The following COL1A2 variants were observed in gnomAD, a reference collection of about 807,000 sequenced individuals.
COL1A2 encodes the protein collagen type I alpha 2 chain.
COL1A2 carries 49 observed loss-of-function variants against 174.3 expected under a neutral mutation model. That is an observed-to-expected ratio of 0.28 (90% CI 0.22 to 0.36). The LOEUF (loss-of-function observed/expected upper bound fraction) is 0.36. Among genes scored for constraint, COL1A2 ranks in the 10% least tolerant of loss-of-function variants. The pLI is 1.00. For synonymous variants in COL1A2, 655 were observed against 606.6 expected (o/e 1.08, Z -1.17); for missense variants, 1,438 against 1,822.7 (o/e 0.79, Z 3.84).
intron 30 of COL1A2, among the ~76,000 whole-genome samples, chr7:94,415,905 T>C (rs184313579): frequency 5.9e-5 from 9 of 152,288 alleles, no homozygotes; most frequent in Admixed American, 5.2e-4. Context: ...GACAGACATA[T>C]ATATATATAC....
At chr7:94,419,306 C>G (rs1274995288) in intron 33 of COL1A2, 192 bp from the exon 34 acceptor site, 1 of 650,620 alleles carries the variant, frequency 1.5e-6, no homozygotes, top group African/African-American at 1.8e-5. Context: ...TACTGGAGTA[C>G]CCTCCTTCTG....
At chr7:94,415,166 T>C in intron 29 of COL1A2, 60 bp from the exon 30 acceptor site, 6 of 1,492,600 alleles carry the variant, frequency 4.0e-6, no homozygotes, top group Non-Finnish European at 5.6e-6. Context: ...AATATTTTAA[T>C]CATAAGTGAA....
Position 94,394,945 on chromosome 7 carries a change from C to T in COL1A2, c.-87C>T, listed in dbSNP as rs886062513. 8.1e-6 allele frequency: 9 copies of T among 1,114,812 alleles called. No homozygotes were observed. In the East Asian group the frequency reaches 1.9e-4, roughly 23 times the overall value. 69.1% of individuals were successfully genotyped at this position (1,114,812 alleles called of 1,614,324 possible). Reference sequence around the variant, plus strand: ...GCTAAGTTGGAGGTACTGGCCACGACTGCATGCCCGCGCCCGCCAGGTGAT... The same window carrying T: ...GCTAAGTTGGAGGTACTGGCCACGATTGCATGCCCGCGCCCGCCAGGTGAT... On this transcript the variant is annotated 5_prime_UTR_variant, in exon 1 of 52. Coordinates refer to ENST00000297268, the MANE Select transcript of COL1A2 (RefSeq NM_000089.4).
At chr7:94,413,627 T>C (rs1258218682) in intron 26 of COL1A2, 63 bp from the exon 27 acceptor site, 10 of 1,480,498 alleles carry the variant, frequency 6.8e-6, no homozygotes, top group Non-Finnish European at 9.4e-6. Context: ...ACCTGAGGCT[T>C]TGAGACATCT....
Position 94,430,373 on chromosome 7 carries a change from G to A in COL1A2, c.4081G>A (p.Gly1361Ser). 6.2e-7 allele frequency: 1 copy of A among 1,613,938 alleles called. No homozygotes were observed. Among genetic ancestry groups the A allele is most frequent in the Non-Finnish European group, 8.5e-7 (1 of 1,179,942 alleles). ...TGACCAGGAATTCTTTGTGGACATT[G>A]GCCCAGTCTGTTTCAAATAAATGAA... ...GADQEFFVDI[G>S]PVCFK The change falls in exon 52 of 52, where the codon GGC becomes AGC. Residue 1361 changes from glycine to serine, a missense_variant. Gly to Ser is a moderately conservative substitution (Grantham distance 56). Coordinates refer to ENST00000297268, the MANE Select transcript of COL1A2 (RefSeq NM_000089.4).
intron 15 of COL1A2, 130 bp downstream of exon 15, chr7:94,408,510 G>A (rs184154719): frequency 6.5e-6 from 8 of 1,228,348 alleles, no homozygotes; most frequent in Non-Finnish European, 1.2e-6. Context: ...TCTTTTGAAG[G>A]CTCCATTTAT....
rs1345197231 is a variant in COL1A2 at position 94,430,033 on chromosome 7, GTTT to G, written c.3955-213_3955-211del. On this transcript the variant is annotated intron_variant, in intron 51 of 51. Transcript: ENST00000297268. ...GAAATGTTGTTGGTTTTTTTGGTTT[GTTT>G]GTTTGTTTGTTTTTTGTTAGACTGA... The G allele has an allele frequency of 1.4e-5, 8 of 583,670 alleles. No individual in the cohort carries two copies. The Admixed American group carries it at 1.8e-4, about 13-fold the overall frequency. The allele number at this position is 583,670 out of a possible 1,614,324, so 36.2% of individuals were successfully genotyped here.
chr7:94,402,345 G>A (rs1284396900), intron 6 of COL1A2, among the ~76,000 whole-genome samples: 1 of 151,976 alleles, frequency 6.6e-6, no homozygotes, highest in Non-Finnish European at 1.5e-5. Context: ...AACAATATAG[G>A]AAATGTTTCT....
Position 94,410,431 on chromosome 7 carries a change from G to A in COL1A2, c.1101G>A (p.Gly367=), listed in dbSNP as rs1800237. ...TTTTCATTAAACAGGGCTCTGCTGG[G>A]CCCCAAGGTCCTCCTGGTCCCAGTG... ...SGNKGEPGSA[G]PQGPPGPSGE... is the part of the protein sequence containing the mutation. Residue 367 remains glycine (G), a synonymous_variant, in exon 21 of 52, where the codon GGG becomes GGA. Coordinates refer to ENST00000297268, the MANE Select transcript of COL1A2 (RefSeq NM_000089.4). 11 of 1,551,586 alleles carry A rather than the reference G, an allele frequency of 7.1e-6. No individual in the cohort carries two copies. In the South Asian group the frequency reaches 1.3e-4, roughly 18 times the overall value.
intron 41 of COL1A2, 159 bp downstream of exon 41, chr7:94,424,602 T>A: frequency 3.1e-6 from 2 of 650,754 alleles, no homozygotes. Context: ...TAAGAAGCTT[T>A]AATACCACCT....
rs28417792 is a variant in COL1A2, at chr7:94,405,377, C to T, written c.486+125C>T. 50,801 of 932,014 alleles carry T rather than the reference C, an allele frequency of 0.055. 6,486 individuals are homozygous for T. Among genetic ancestry groups the T allele is most frequent in the African/African-American group, 0.35 (20,631 of 59,312 alleles). 57.7% of individuals were successfully genotyped at this position (932,014 alleles called of 1,614,324 possible). ...AACTCATAACATGAATCGAAGGCAT[C>T]TAATAAAGAAAAAAGCCTAGTTAAA... On this transcript the variant is annotated intron_variant, in intron 10 of 51. Transcript: ENST00000297268.
In COL1A2 at chr7:94,409,619, C is replaced by T; in HGVS notation, c.936+11C>T. 1 of 1,614,100 alleles carries T rather than the reference C, an allele frequency of 6.2e-7. No individual in the cohort carries two copies. The highest frequency in any genetic ancestry group is 8.5e-7 in the Non-Finnish European group (1 of 1,179,976). On this transcript the variant is annotated intron_variant, in intron 18 of 51. Coordinates refer to ENST00000297268, the MANE Select transcript of COL1A2 (RefSeq NM_000089.4). ...GCCAAGGGTGCTGCTGTGAGTATAC[C>T]TGCGTAGCTAAAATGTGCTGCTATG... is the stretch of plus-strand genomic sequence containing the variant.
intron 13 of COL1A2, 127 bp downstream of exon 13, chr7:94,408,018 T>C: frequency 1.7e-6 from 2 of 1,171,300 alleles, no homozygotes; most frequent in Non-Finnish European, 2.5e-6. Context: ...CTAATAGCCT[T>C]CTGATACTTA....
Position 94,413,731 on chromosome 7 carries a change from T to A in COL1A2, c.1599T>A (p.Pro533=). ...GPDGNNGAQG[P]PGPQGVQGGK... is the part of the protein sequence containing the mutation. The stretch of plus-strand genomic sequence containing the variant: ...ATGGAAACAATGGTGCTCAGGGACC[T>A]CCTGGACCACAGGTGAGTATTTCTC... Residue 533 remains proline (P), a synonymous_variant, in exon 27 of 52, where the codon CCT becomes CCA. Coordinates refer to ENST00000297268, the MANE Select transcript of COL1A2 (RefSeq NM_000089.4). The A allele has an allele frequency of 6.2e-7, 1 of 1,614,226 alleles. No homozygotes were observed.
At chr7:94,424,854 T>C in intron 41 of COL1A2, 4 of 519,780 alleles carry the variant, frequency 7.7e-6, no homozygotes, top group Non-Finnish European at 1.4e-5. Flanking sequence ...ACTTTTTGAA[T>C]TCATTTCATT....
chr7:94,398,544 C>T (rs1408657298), intron 3 of COL1A2, 148 bp downstream of exon 3: 2 of 329,172 alleles, frequency 6.1e-6, no homozygotes, highest in Non-Finnish European at 5.5e-6. Flanking sequence ...AATAAAGTAG[C>T]TTTGATGTTT....
At chr7:94,430,087 C>A (rs1266638600) in intron 51 of COL1A2, 160 bp from the exon 52 acceptor site, 5 of 740,808 alleles carry the variant, frequency 6.7e-6, no homozygotes, top group Admixed American at 6.4e-5. Flanking sequence ...ACTAAAGACA[C>A]CCTTGATACT....
chr7:94,408,965 G>T, intron 16 of COL1A2, 142 bp downstream of exon 16: 1 of 841,890 alleles, frequency 1.2e-6, no homozygotes. Context: ...GACATAGAAT[G>T]ACCAGTTTTC....
chr7:94,427,417 A>T (rs1792301857), intron 48 of COL1A2, 122 bp downstream of exon 48: 1 of 1,106,172 alleles, frequency 9.0e-7, no homozygotes, highest in East Asian at 2.6e-5. Context: ...TATCCTCTAA[A>T]ATATCTGGAA....
Sources: gnomAD v4.1 joint callset for allele counts (sites outside exome capture counted in the v4.1 genomes callset) on GRCh38, gnomAD v4.1.1 for gene constraint, MANE v1.5 for transcripts, NCBI Gene and HGNC (gene_info 2026-07-23, HGNC 2026-07-21) for gene names.